The following BANP variants were observed in gnomAD, a reference collection of about 807,000 sequenced individuals.
BANP encodes BTG3 associated nuclear protein, also known as protein BANP.
A neutral mutation model predicts 68.1 loss-of-function variants in BANP; 11 were observed. That is an observed-to-expected ratio of 0.16 (90% confidence interval 0.10 to 0.27). BANP has a LOEUF of 0.27. Ranked by LOEUF, BANP falls within the 10% of genes least tolerant of loss-of-function variation. The pLI is 1.00. For synonymous variants in BANP, 329 were observed against 303.2 expected, an observed-to-expected ratio of 1.09 and a Z score of -0.88; for missense variants, 504 against 722.7, an observed-to-expected ratio of 0.70 and a Z score of 3.47.
intron 7 of BANP, among the ~76,000 whole-genome samples, chr16:88,024,402 T>G (rs569698674): frequency 6.6e-6 from 1 of 152,104 alleles, no homozygotes; most frequent in Non-Finnish European, 1.5e-5. Context: ...TAAAAAAAAA[T>G]GTCTGTCAAA....
chr16:88,028,345 G>A (rs1304536436), intron 8 of BANP, among the ~76,000 whole-genome samples: 3 of 152,236 alleles, frequency 2.0e-5, no homozygotes, highest in African/African-American at 7.2e-5. Context: ...ATTCAGTGGA[G>A]TCTTTGTTGG....
intron 1 of BANP, among the ~76,000 whole-genome samples, chr16:87,962,015 G>A (rs1024655767): frequency 5.3e-5 from 8 of 152,168 alleles, no homozygotes; most frequent in African/African-American, 1.9e-4. Context: ...TGAGGTGGGT[G>A]GATTACCTGA....
intron 3 of BANP, among the ~76,000 whole-genome samples, chr16:87,981,495 A>G (rs2063268892): frequency 6.6e-6 from 1 of 151,994 alleles, no homozygotes; most frequent in South Asian, 2.1e-4. Context: ...CATTGACTAA[A>G]TTACATCTAC....
chr16:87,995,210 C>T (rs1317539980), intron 4 of BANP, among the ~76,000 whole-genome samples: 1 of 152,250 alleles, frequency 6.6e-6, no homozygotes, highest in Non-Finnish European at 1.5e-5. Context: ...TGTGCGGGGG[C>T]TCCCGGGACA....
intron 1 of BANP, among the ~76,000 whole-genome samples, chr16:87,970,949 G>A (rs2060992590): frequency 1.3e-5 from 2 of 150,762 alleles, no homozygotes; most frequent in Non-Finnish European, 2.9e-5. Context: ...CCCAGGAGGC[G>A]GAGGTTTCAG....
At chr16:87,972,231 A>G (rs1200953809) in intron 1 of BANP, among the ~76,000 whole-genome samples, 2 of 151,678 alleles carry the variant, frequency 1.3e-5, no homozygotes, top group Admixed American at 1.3e-4. Flanking sequence ...ATTTTTCTTA[A>G]GGCACCATTG....
At chr16:87,972,194 T>C in intron 1 of BANP, among the ~76,000 whole-genome samples, 1 of 152,214 alleles carries the variant, frequency 6.6e-6, no homozygotes, top group East Asian at 1.9e-4. Flanking sequence ...TTCATTTCTT[T>C]TTTATTCTTG....
intron 4 of BANP, among the ~76,000 whole-genome samples, chr16:87,996,976 C>T (rs2067428654): frequency 6.6e-6 from 1 of 152,128 alleles, no homozygotes; most frequent in Non-Finnish European, 1.5e-5. Flanking sequence ...TTGTGTGGTC[C>T]ACGAGCAACA....
At chr16:88,050,524 A>G (rs967113292) in intron 11 of BANP, among the ~76,000 whole-genome samples, 1 of 152,106 alleles carries the variant, frequency 6.6e-6, no homozygotes, top group African/African-American at 2.4e-5. Context: ...TGTGTTGAGC[A>G]TCTTGAACTG....
At chr16:88,031,235 G>A (rs761687889) in intron 8 of BANP, among the ~76,000 whole-genome samples, 4 of 152,342 alleles carry the variant, frequency 2.6e-5, no homozygotes, top group African/African-American at 7.2e-5. Context: ...GGCTGGAGCC[G>A]AGCTCTCCAC....
At chr16:88,029,514 G>A (rs1457770233) in intron 8 of BANP, among the ~76,000 whole-genome samples, 2 of 151,764 alleles carry the variant, frequency 1.3e-5, no homozygotes, top group Non-Finnish European at 2.9e-5. Flanking sequence ...GGGAGGCTGA[G>A]GCAGGAGAAT....
At chr16:87,959,557 C>T (rs8060746) in intron 1 of BANP, among the ~76,000 whole-genome samples, 1 of 152,206 alleles carries the variant, frequency 6.6e-6, no homozygotes, top group East Asian at 1.9e-4. Flanking sequence ...GGGGAGGAGG[C>T]CCCCTGGAGG....
intron 7 of BANP, 103 bp from the exon 8 acceptor site, chr16:88,027,380 C>A: frequency 1.5e-6 from 2 of 1,316,796 alleles, no homozygotes; most frequent in South Asian, 1.3e-5. Context: ...GGCTGGGGTG[C>A]CTGGGTGAGG....
intron 8 of BANP, among the ~76,000 whole-genome samples, chr16:88,028,121 G>A (rs943324219): frequency 3.3e-5 from 5 of 152,268 alleles, no homozygotes; most frequent in Non-Finnish European, 7.3e-5. Context: ...TGGGGGGATT[G>A]TTCTCCTTGG....
chr16:88,017,322 T>G (rs2074807301), intron 6 of BANP: 2 of 152,378 alleles, frequency 1.3e-5, no homozygotes, highest in African/African-American at 4.8e-5. Flanking sequence ...GAGGACGTGC[T>G]GGGGGAGGGG....
intron 8 of BANP, among the ~76,000 whole-genome samples, chr16:88,029,886 C>G (rs1036010277): frequency 3.9e-5 from 6 of 152,320 alleles, no homozygotes; most frequent in Non-Finnish European, 7.3e-5. Context: ...GTTGTGGAAT[C>G]AAGTTCCTAA....
chr16:88,026,612 G>GAACAGAGT (rs1056701548), intron 7 of BANP, among the ~76,000 whole-genome samples: 4 of 152,114 alleles, frequency 2.6e-5, no homozygotes, highest in African/African-American at 9.7e-5. Flanking sequence ...TTTACCAGGG[G>GAACAGAGT]AACAGAGTAA....
rs1328233506 is a variant in BANP, at chr16:88,057,068, A to C, written c.1312-8199A>C. 3.9e-5 allele frequency among the ~76,000 whole-genome samples: 6 copies of C among 152,240 alleles called. No homozygotes were observed. The highest frequency in any genetic ancestry group is 7.3e-5 in the Non-Finnish European group (5 of 68,048). The stretch of plus-strand genomic sequence containing the variant: ...ATCCTTTTGGTGGGATCCAAATGTG[A>C]GAACTTTTTCTGAATAAGGGAGTTT... On this transcript the variant is annotated intron_variant, in intron 11 of 13. Transcript: ENST00000682872. This position sits in a 1 kb window ranked among gnomAD's most constrained non-coding sequence, Gnocchi z 4.6.
chr16:88,054,610 C>A (rs753090598), intron 11 of BANP, among the ~76,000 whole-genome samples: 1 of 152,222 alleles, frequency 6.6e-6, no homozygotes, highest in Non-Finnish European at 1.5e-5. Context: ...AGCACCAGCA[C>A]CGTCAAGGGG....
Sources: allele counts gnomAD v4.1 joint callset (sites outside exome capture counted in the v4.1 genomes callset), GRCh38; gene constraint gnomAD v4.1.1; non-coding constraint Gnocchi (gnomAD v3.1); transcripts MANE v1.5; gene names NCBI Gene and HGNC (gene_info 2026-07-23, HGNC 2026-07-21).